Variants in INTS2 observed in about 807,000 individuals in gnomAD.
The protein encoded by INTS2 is KIAA1287.
A neutral mutation model predicts 139.6 loss-of-function variants in INTS2; 57 were observed. The observed-to-expected ratio is 0.41, with a 90% CI of 0.33 to 0.51. The LOEUF is 0.51. INTS2 is among the 20% of genes least tolerant of loss of function. INTS2 has a pLI of 0.28. For synonymous variants in INTS2, 473 were observed against 493.4 expected, an observed-to-expected ratio of 0.96 and a Z score of 0.55; for missense variants, 1,196 against 1,436.7, an observed-to-expected ratio of 0.83 and a Z score of 2.71.
Position 61,872,192 on chromosome 17 carries a change from A to C in INTS2, c.2778+73T>G, listed in dbSNP as rs1174922182. On this transcript the variant is annotated intron_variant, in intron 20 of 24. Coordinates refer to ENST00000251334, the MANE Select transcript of INTS2 (RefSeq NM_001351695.2). This position sits in a 1 kb window ranked among gnomAD's most constrained non-coding sequence, Gnocchi z 4.8. ...ATGTACATGGAGCGCACAATGTGCC[A>C]TCTATTGAACTGATTATACTAGTAG... The C allele has an allele frequency of 1.1e-6, 1 of 883,736 alleles. No homozygotes were observed. The highest frequency in any genetic ancestry group is 1.7e-6 in the Non-Finnish European group (1 of 575,992). The allele number at this position is 883,736 out of a possible 1,614,324, so 54.7% of individuals were successfully genotyped here.
intron 17 of INTS2, among the ~76,000 whole-genome samples, chr17:61,878,489 G>A (rs990052646): frequency 1.3e-5 from 2 of 152,020 alleles, no homozygotes; most frequent in Non-Finnish European, 2.9e-5. Context: ...ACTTGAACCC[G>A]GAAGGCGGAG....
At chr17:61,903,220 A>T (rs1351818405) in intron 9 of INTS2, among the ~76,000 whole-genome samples, 1 of 141,062 alleles carries the variant, frequency 7.1e-6, no homozygotes. Context: ...TTTCTTTTTA[A>T]TTTTTTTTTT....
At position 61,911,609 on chromosome 17, in the gene INTS2, C is replaced by A; in HGVS notation, c.865G>T (p.Asp289Tyr). 6.2e-7 allele frequency: 1 copy of A among 1,613,958 alleles called. No individual in the cohort carries two copies. The highest frequency in any genetic ancestry group is 2.2e-5 in the East Asian group (1 of 44,888). The change falls in exon 7 of 25, where the codon GAC becomes TAC. Residue 289 changes from aspartate (D) to tyrosine (Y), a missense_variant. By Grantham distance (160) the Asp-to-Tyr change is radical (BLOSUM62 -3). This residue lies in a region of INTS2 where 1,129 missense variants were observed against 1,341.9 expected (regional missense o/e 0.84). Coordinates refer to ENST00000251334, the MANE Select transcript of INTS2 (RefSeq NM_001351695.2). ...KNEACEDGVS[D>Y]LVCFVSGLLL... Reference sequence around the variant, plus strand: ...AAACCACTTACAAAACAAACCAAGTCACTCACTCCATCCTCACAAGCTTCA... The same window carrying A: ...AAACCACTTACAAAACAAACCAAGTAACTCACTCCATCCTCACAAGCTTCA...
rs1035970358 is a variant in INTS2 at position 61,909,779 on chromosome 17, TTG to T, written c.954+1739_954+1740del. The stretch of plus-strand genomic sequence containing the variant: ...GAGTTGTATTCCATGGTGTGTGTGT[TTG>T]TGTGTGTGTATACATATATACGTGT... On this transcript the variant is annotated intron_variant, in intron 7 of 24. Transcript: ENST00000251334. The surrounding 1 kb of genome is among the most constrained non-coding windows in gnomAD (Gnocchi z 4.9). Among the ~76,000 whole-genome samples the T allele has an allele frequency of 1.4e-5, 2 of 142,044 alleles. No homozygotes were observed. Among genetic ancestry groups the T allele is most frequent in the Admixed American group, 7.1e-5 (1 of 14,080 alleles). The allele number at this position is 142,044 out of a possible 152,430, so 93.2% of individuals were successfully genotyped here. A position where few individuals can be genotyped will look rare whatever the true frequency, so the allele number is the denominator to read the frequency against.
At chr17:61,919,553 G>C in intron 4 of INTS2, 40 bp from the exon 5 acceptor site, 1 of 1,048,822 alleles carries the variant, frequency 9.5e-7, no homozygotes, top group South Asian at 1.4e-5. Flanking sequence ...TTGTTAACAG[G>C]TGCACTCCAC....
At position 61,872,263 on chromosome 17, in the gene INTS2, A is replaced by C; in HGVS notation, c.2778+2T>G. The C allele has an allele frequency of 6.2e-7, 1 of 1,606,334 alleles. No homozygotes were observed. Among genetic ancestry groups the C allele is most frequent in the Non-Finnish European group, 8.5e-7 (1 of 1,174,864 alleles). ...ACTAAATTTTACTTTAGCAAAATTTACCTGAGCGGCCAGTAATGCATTTTT... is the reference window on the plus strand; with the variant it reads ...ACTAAATTTTACTTTAGCAAAATTTCCCTGAGCGGCCAGTAATGCATTTTT... On this transcript the variant is annotated splice_donor_variant, in intron 20 of 24. Coordinates refer to ENST00000251334, the MANE Select transcript of INTS2 (RefSeq NM_001351695.2). LOFTEE classifies it high-confidence loss of function. This position sits in a 1 kb window ranked among gnomAD's most constrained non-coding sequence, Gnocchi z 4.8.
intron 15 of INTS2, among the ~76,000 whole-genome samples, chr17:61,886,737 A>C (rs778135127): frequency 7.9e-5 from 12 of 152,230 alleles, no homozygotes; most frequent in Admixed American, 2.0e-4. Flanking sequence ...ATATATGAGA[A>C]TCTCAATCAG....
chr17:61,902,705 C>G (rs1174058612), intron 9 of INTS2, among the ~76,000 whole-genome samples: 1 of 150,054 alleles, frequency 6.7e-6, no homozygotes, highest in Non-Finnish European at 1.5e-5. Flanking sequence ...GAAACACTGT[C>G]TCTTAAAAAA....
At chr17:61,879,979 A>G (rs1264328069) in intron 17 of INTS2, among the ~76,000 whole-genome samples, 1 of 152,216 alleles carries the variant, frequency 6.6e-6, no homozygotes, top group Non-Finnish European at 1.5e-5. Context: ...TATAGCTCAC[A>G]TTATATTTCT....
At chr17:61,920,602 G>A (rs9972890) in intron 4 of INTS2, among the ~76,000 whole-genome samples, 9 of 148,784 alleles carry the variant, frequency 6.0e-5, no homozygotes, top group Non-Finnish European at 1.2e-4. Context: ...TTAAGAATTC[G>A]AGACCAGCCT....
Position 61,881,042 on chromosome 17 carries a change from T to A in INTS2, c.2219A>T (p.Asn740Ile), listed in dbSNP as rs552590353. 20 of 1,613,902 alleles carry A rather than the reference T, an allele frequency of 1.2e-5. No individual in the cohort carries two copies. The South Asian group carries it at 2.1e-4, about 17-fold the overall frequency. Reference sequence around the variant, plus strand: ...TTGTTTGGGAGAATGATTTTTAGCATTATTAGTCAGGAGCATTCGCCGTAG... The same window carrying A: ...TTGTTTGGGAGAATGATTTTTAGCAATATTAGTCAGGAGCATTCGCCGTAG... ...ALLRRMLLTN[N>I]AKNHSPKQLQ... Residue 740 changes from asparagine to isoleucine, a missense_variant, in exon 17 of 25, where the codon AAT becomes ATT. Physicochemically the swap from Asn to Ile is moderately radical, Grantham distance 149 (BLOSUM62 -3). Coordinates refer to ENST00000251334, the MANE Select transcript of INTS2 (RefSeq NM_001351695.2).
chr17:61,911,874 C>T, intron 6 of INTS2, 66 bp downstream of exon 6: 2 of 1,540,006 alleles, frequency 1.3e-6, no homozygotes, highest in South Asian at 2.5e-5. Context: ...ACTCTAAAAC[C>T]ATCTTGAGAA....
chr17:61,904,890 T>C (rs1316329221), intron 8 of INTS2, among the ~76,000 whole-genome samples: 1 of 152,100 alleles, frequency 6.6e-6, no homozygotes, highest in African/African-American at 2.4e-5. Context: ...ATGGTTGTAC[T>C]GTAGCCTTTA....
chr17:61,910,878 A>AT (rs2079519714), intron 7 of INTS2: 1 of 152,180 alleles, frequency 6.6e-6, no homozygotes, highest in South Asian at 2.1e-4. Flanking sequence ...TACTCAAGAC[A>AT]TTATCTGTCT....
chr17:61,925,582 A>T (rs538536638), intron 2 of INTS2, among the ~76,000 whole-genome samples: 1 of 152,096 alleles, frequency 6.6e-6, no homozygotes, highest in South Asian at 2.1e-4. Context: ...GTCTAAAAAA[A>T]AATAAAAATA....
intron 12 of INTS2, among the ~76,000 whole-genome samples, chr17:61,895,015 A>G (rs1243028569): frequency 6.6e-6 from 1 of 152,164 alleles, no homozygotes; most frequent in Non-Finnish European, 1.5e-5. Flanking sequence ...CTCCAGACAC[A>G]TTAAAACAAT....
intron 6 of INTS2, 119 bp from the exon 7 acceptor site, chr17:61,911,812 G>A (rs1363227273): frequency 3.5e-6 from 5 of 1,414,194 alleles, no homozygotes; most frequent in Non-Finnish European, 4.8e-6. Context: ...TAAAAACCCA[G>A]AGAGGAAGGT....
intron 9 of INTS2, among the ~76,000 whole-genome samples, chr17:61,899,457 G>A (rs1368300062): frequency 2.6e-5 from 4 of 151,872 alleles, no homozygotes; most frequent in Non-Finnish European, 5.9e-5. Context: ...TCACCATGTT[G>A]GCCAGGCTGG....
chr17:61,874,561 G>C (rs1042924852), intron 19 of INTS2, among the ~76,000 whole-genome samples: 1 of 152,136 alleles, frequency 6.6e-6, no homozygotes, highest in African/African-American at 2.4e-5. Context: ...TTTAACGCAG[G>C]TAACGGTTCA....
Sources: allele counts gnomAD v4.1 joint callset (sites outside exome capture counted in the v4.1 genomes callset), GRCh38; gene constraint gnomAD v4.1.1; regional missense constraint gnomAD v4.1.1; non-coding constraint Gnocchi (gnomAD v3.1); transcripts MANE v1.5; gene names NCBI Gene and HGNC (gene_info 2026-07-23, HGNC 2026-07-21).